Variants in BLTP2 observed in about 807,000 individuals in gnomAD.
BLTP2 encodes the protein bridge-like lipid transfer protein family member 2.
the BLTP2 span, chr17:28,631,538 G>A: frequency 6.2e-7 from 1 of 1,614,138 alleles, no homozygotes; most frequent in Non-Finnish European, 8.5e-7. Flanking sequence ...CTCAGCAGGT[G>A]GGTCTTTGTT....
chr17:28,643,737 C>A, the BLTP2 span: 3 of 1,377,982 alleles, frequency 2.2e-6, no homozygotes, highest in South Asian at 1.2e-5. Flanking sequence ...AGGAAATGTT[C>A]TGGATTATTA....
At chr17:28,631,768 A>G in the BLTP2 span, 1 of 1,604,140 alleles carries the variant, frequency 6.2e-7, no homozygotes, top group Non-Finnish European at 8.5e-7. Context: ...GGAACTGAGA[A>G]GGGAAAAACA....
the BLTP2 span, chr17:28,640,013 C>T: frequency 1.2e-6 from 2 of 1,613,738 alleles, no homozygotes; most frequent in Non-Finnish European, 1.7e-6. Flanking sequence ...GCTTCAGAGT[C>T]CAAGTCAGGT....
chr17:28,635,143 C>T, the BLTP2 span: 27 of 1,613,962 alleles, frequency 1.7e-5, no homozygotes, highest in South Asian at 2.1e-4. Context: ...GAGCCAAACA[C>T]GGTTCCGGAG....
At chr17:28,622,624 C>T in the BLTP2 span, among the ~76,000 whole-genome samples, 822 of 152,278 alleles carry the variant, frequency 5.4e-3, 2 homozygotes, top group African/African-American at 0.019. Flanking sequence ...ATAGACTCTC[C>T]AATAATTCTG....
At chr17:28,643,163 C>G in the BLTP2 span, 3 of 1,614,200 alleles carry the variant, frequency 1.9e-6, no homozygotes, top group Non-Finnish European at 2.5e-6. Context: ...AGTTGTCTCA[C>G]TTGGCAGAAG....
the BLTP2 span, chr17:28,634,642 T>C: frequency 1.6e-5 from 26 of 1,614,074 alleles, no homozygotes; most frequent in Non-Finnish European, 2.0e-5. Context: ...CTCAGGACCA[T>C]GGAAGGAGGC....
chr17:28,643,614 G>A, the BLTP2 span: 1 of 1,613,580 alleles, frequency 6.2e-7, no homozygotes, highest in African/African-American at 1.3e-5. Context: ...ACTCACGGAA[G>A]ATCATGGCTA....
chr17:28,621,306 T>C, the BLTP2 span: 8 of 1,411,330 alleles, frequency 5.7e-6, no homozygotes, highest in Non-Finnish European at 8.0e-6. Flanking sequence ...TACTCCAGCA[T>C]ACACTGACGT....
chr17:28,633,445 C>T, the BLTP2 span: 2 of 1,584,272 alleles, frequency 1.3e-6, no homozygotes, highest in South Asian at 1.1e-5. Flanking sequence ...GGTAAGAAAA[C>T]CATCCTCATC....
chr17:28,636,884 G>GAA, the BLTP2 span: 1,805 of 937,102 alleles, frequency 1.9e-3, no homozygotes, highest in Non-Finnish European at 2.1e-3. Flanking sequence ...GAAAAGACAA[G>GAA]AAAAAAAAAA....
chr17:28,627,885 T>A, the BLTP2 span, among the ~76,000 whole-genome samples: 1 of 150,644 alleles, frequency 6.6e-6, no homozygotes, highest in Admixed American at 6.6e-5. Flanking sequence ...GGTCTTGAAC[T>A]CCTCACTTCA....
chr17:28,615,980 A>C, the BLTP2 span: 3 of 1,036,570 alleles, frequency 2.9e-6, no homozygotes, highest in Non-Finnish European at 4.4e-6. Flanking sequence ...GGAACAGCAG[A>C]TTTATCACCC....
the BLTP2 span, chr17:28,619,853 T>C: frequency 1.1e-5 from 18 of 1,613,772 alleles, no homozygotes; most frequent in Non-Finnish European, 1.5e-5. Context: ...CTATCTGCAG[T>C]GACTACCTTC....
the BLTP2 span, chr17:28,628,200 T>G: frequency 7.2e-7 from 1 of 1,395,710 alleles, no homozygotes; most frequent in Non-Finnish European, 1.0e-6. Flanking sequence ...CTTTTAAAAC[T>G]CCTGTCCAAG....
the BLTP2 span, chr17:28,620,449 A>T: frequency 4.4e-6 from 7 of 1,585,544 alleles, no homozygotes; most frequent in Non-Finnish European, 6.0e-6. Context: ...GCCCAAATAA[A>T]GCACAAAGTC....
chr17:28,620,374 C>A, the BLTP2 span: 3 of 1,004,678 alleles, frequency 3.0e-6, no homozygotes, highest in African/African-American at 4.9e-5. Context: ...TTGTCACTGC[C>A]GACTAAGAGA....
chr17:28,639,247 CA>C, the BLTP2 span: 1 of 1,534,444 alleles, frequency 6.5e-7, no homozygotes. Context: ...CACAGGATGC[CA>C]ATTTGGACCA....
chr17:28,643,693 G>A, the BLTP2 span: 7 of 1,605,450 alleles, frequency 4.4e-6, no homozygotes, highest in Non-Finnish European at 5.1e-6. Flanking sequence ...CTGTGTGCTA[G>A]CTGCTAAATA....
Sources: allele counts gnomAD v4.1 joint callset (sites outside exome capture counted in the v4.1 genomes callset), GRCh38; gene constraint gnomAD v4.1.1; transcripts MANE v1.5; gene names NCBI Gene and HGNC (gene_info 2026-07-23, HGNC 2026-07-21).